LANCL1: variants seen among roughly 807,000 people sequenced by gnomAD.
LANCL1 encodes the protein glutathione S-transferase LANCL1.
In LANCL1, 50 loss-of-function variants were observed where a neutral mutation model predicts 50.6. The ratio of observed to expected loss-of-function variants is 0.99; its 90% CI spans 0.79 to 1.25. LANCL1 has a LOEUF of 1.25. LANCL1 is among the 50% of genes most tolerant of loss of function. LANCL1 has a pLI of 0.00. For missense variants in LANCL1, 532 were observed against 480.7 expected (o/e 1.11, Z -1.00); for synonymous variants, 188 against 178.6 (o/e 1.05, Z -0.42).
intron 3 of LANCL1, among the ~76,000 whole-genome samples, chr2:210,461,468 G>T (rs1693857234): frequency 6.6e-6 from 1 of 152,086 alleles, no homozygotes; most frequent in African/African-American, 2.4e-5. Context: ...AGTAAGTCTG[G>T]TGTCAGCAGT....
intron 3 of LANCL1, among the ~76,000 whole-genome samples, chr2:210,464,898 G>A (rs112212894): frequency 0.019 from 2,724 of 147,002 alleles, 47 homozygotes; most frequent in Non-Finnish European, 0.029. Context: ...CCCGGGAAGC[G>A]GAGCTTGCAG....
chr2:210,474,739 A>AAAATAAATAAATAAATAAAT (rs78940796), intron 2 of LANCL1, among the ~76,000 whole-genome samples: 7,290 of 147,996 alleles, frequency 0.049, 260 homozygotes, highest in East Asian at 0.15. Context: ...AATAAAAATA[A>AAAATAAATAAATAAATAAAT]AAATAAATAA....
At chr2:210,474,245 A>T (rs1020303524) in intron 2 of LANCL1, among the ~76,000 whole-genome samples, 1 of 152,212 alleles carries the variant, frequency 6.6e-6, no homozygotes, top group African/African-American at 2.4e-5. Flanking sequence ...TCTTGTGTTA[A>T]GAAATTAAGG....
chr2:210,440,854 C>T (rs543586627), intron 5 of LANCL1, 110 bp from the exon 6 acceptor site: 12 of 913,126 alleles, frequency 1.3e-5, no homozygotes, highest in South Asian at 1.2e-4. Flanking sequence ...AAATTAGACA[C>T]CAGCTTATAG....
At position 210,436,331 on chromosome 2, in the gene LANCL1, T is replaced by C. The variant is rs143380318; in HGVS notation, c.935A>G (p.Tyr312Cys). 342 of 1,613,932 alleles carry C rather than the reference T, an allele frequency of 2.1e-4. No individual in the cohort carries two copies. Among genetic ancestry groups the C allele is most frequent in the Non-Finnish European group, 2.8e-4 (328 of 1,179,980 alleles). The change falls in exon 8 of 10, where the codon TAT becomes TGT. Residue 312 changes from tyrosine to cysteine, a missense_variant. Tyr to Cys is a radical substitution (Grantham distance 194). Coordinates refer to ENST00000450366, the MANE Select transcript of LANCL1 (RefSeq NM_006055.3). Reference protein sequence around the residue: ...AYQCADVIWQYGLLKKGYGLC... With the variant: ...AYQCADVIWQCGLLKKGYGLC... ...CCCATATCCCTTCTTCAGCAACCCA[T>C]ATTGCCAGATCACATCAGCACACTG... is the stretch of plus-strand genomic sequence containing the variant.
At chr2:210,471,875 T>A (rs751639847) in intron 3 of LANCL1, 84 bp downstream of exon 3, 28 of 945,756 alleles carry the variant, frequency 3.0e-5, no homozygotes, top group Non-Finnish European at 4.5e-5. Flanking sequence ...TTTAAGGGTG[T>A]ACCATTCAGA....
intron 3 of LANCL1, among the ~76,000 whole-genome samples, chr2:210,457,172 G>A (rs1056602760): frequency 2.6e-5 from 4 of 152,154 alleles, no homozygotes; most frequent in Non-Finnish European, 5.9e-5. Flanking sequence ...CATCCATGGT[G>A]GAAAAGGACT....
chr2:210,440,725 G>A lies in LANCL1; in HGVS notation c.563C>T (p.Thr188Ile), dbSNP rs1693102974. 1 of 1,613,502 alleles carries A rather than the reference G, an allele frequency of 6.2e-7. No homozygotes were observed. The highest frequency in any genetic ancestry group is 1.1e-5 in the South Asian group (1 of 90,912). ...HIQQICETIL[T>I]SGENLARKRN... ...CTTCCTAGCTAGGTTTTCTCCAGAG[G>A]TTAAAATTGTTTCACAAATCTACAG... is the stretch of plus-strand genomic sequence containing the variant. Residue 188 changes from threonine (T) to isoleucine (I), a missense_variant, in exon 6 of 10, where the codon ACC (threonine) becomes ATC (isoleucine). Transcript: ENST00000450366.
At position 210,476,348 on chromosome 2, in the gene LANCL1, G is replaced by A. The variant is rs757730599; in HGVS notation, c.49C>T (p.Leu17=). 6.2e-6 allele frequency: 10 copies of A among 1,613,970 alleles called. No homozygotes were observed. In the African/African-American group the frequency reaches 9.3e-5, roughly 15 times the overall value. The change falls in exon 2 of 10, where the codon CTG becomes TTG. Residue 17 remains leucine (L), a synonymous_variant. Transcript: ENST00000450366. ...GCAGCATCAAAGTAGCCTTCGGCCA[G>A]GGATTTGTTATAATCAGCATAAGGA... ...PNPYADYNKS[L]AEGYFDAAGR...
chr2:210,450,002 C>G (rs1164012503), intron 4 of LANCL1, among the ~76,000 whole-genome samples: 4 of 152,110 alleles, frequency 2.6e-5, no homozygotes, highest in African/African-American at 4.8e-5. Flanking sequence ...GTTTAAATTT[C>G]ATATGGAACC....
chr2:210,455,687 G>A (rs569404219), intron 3 of LANCL1, among the ~76,000 whole-genome samples: 2 of 151,984 alleles, frequency 1.3e-5, no homozygotes, highest in Admixed American at 6.6e-5. Flanking sequence ...CCAAATAAAT[G>A]TAATTGATTT....
chr2:210,465,742 T>A (rs1356917015), intron 3 of LANCL1, among the ~76,000 whole-genome samples: 1 of 152,092 alleles, frequency 6.6e-6, no homozygotes, highest in Non-Finnish European at 1.5e-5. Flanking sequence ...AATGTCAAGA[T>A]AACAGAAGCA....
At chr2:210,436,444 A>G in intron 7 of LANCL1, 52 bp from the exon 8 acceptor site, 1 of 1,530,922 alleles carries the variant, frequency 6.5e-7, no homozygotes, top group Non-Finnish European at 9.0e-7. Context: ...AGAAAGTTCC[A>G]TTGATATTCC....
intron 3 of LANCL1, among the ~76,000 whole-genome samples, chr2:210,467,694 T>C (rs1436617884): frequency 6.6e-6 from 1 of 152,198 alleles, no homozygotes; most frequent in African/African-American, 2.4e-5. Flanking sequence ...AGAGTGTCAA[T>C]GGGCATGTGC....
At chr2:210,459,761 C>G (rs181584673) in intron 3 of LANCL1, among the ~76,000 whole-genome samples, 2 of 151,808 alleles carry the variant, frequency 1.3e-5, no homozygotes, top group Admixed American at 6.6e-5. Context: ...AACAAACAAA[C>G]AAACAAACAA....
intron 4 of LANCL1, among the ~76,000 whole-genome samples, chr2:210,451,884 C>T (rs565559148): frequency 1.2e-3 from 185 of 152,208 alleles, no homozygotes; most frequent in African/African-American, 3.9e-3. Flanking sequence ...CATTCTATAA[C>T]GTAGATAAAC....
rs115559610 is a variant in LANCL1, at chr2:210,446,918, A to G, written c.408-5475T>C. 7.2e-3 allele frequency among the ~76,000 whole-genome samples: 1,091 copies of G among 152,282 alleles called. 12 individuals are homozygous for G. The highest frequency in any genetic ancestry group is 0.025 in the African/African-American group (1,031 of 41,558). ...CGGGGAGAATGCAACCAAGTTGGAA[A>G]CACTCTTCAGGATATTATCCAGAAC... On this transcript the variant is annotated intron_variant, in intron 4 of 9. Coordinates refer to ENST00000450366, the MANE Select transcript of LANCL1 (RefSeq NM_006055.3).
chr2:210,440,598 C>T lies in LANCL1; in HGVS notation c.690G>A (p.Gln230=). ...AAATTTCACCATAATCACTCCTTACCTGCATCAGGTAGTAATAAATTCCAG... is the reference window on the plus strand; with the variant it reads ...AAATTTCACCATAATCACTCCTTACTTGCATCAGGTAGTAATAAATTCCAG... ...GLAGIYYYLM[Q]PSLQVSQGKL... The change falls in exon 6 of 10, where the codon CAG becomes CAA. Residue 230 remains glutamine (Q), a splice_region_variant and synonymous_variant. Coordinates refer to ENST00000450366, the MANE Select transcript of LANCL1 (RefSeq NM_006055.3). The T allele has an allele frequency of 6.2e-7, 1 of 1,611,368 alleles. No individual in the cohort carries two copies. The highest frequency in any genetic ancestry group is 2.2e-5 in the East Asian group (1 of 44,842).
chr2:210,461,971 T>C (rs1693877727), intron 3 of LANCL1, among the ~76,000 whole-genome samples: 1 of 152,258 alleles, frequency 6.6e-6, no homozygotes, highest in African/African-American at 2.4e-5. Context: ...GAACACCTTA[T>C]CTGCTCATTT....
Sources: allele counts gnomAD v4.1 joint callset (sites outside exome capture counted in the v4.1 genomes callset), GRCh38; gene constraint gnomAD v4.1.1; transcripts MANE v1.5; gene names NCBI Gene and HGNC (gene_info 2026-07-23, HGNC 2026-07-21).